ZNF385D: variants seen among roughly 807,000 people sequenced by gnomAD.
ZNF385D encodes zinc finger protein 385D.
In ZNF385D, 15 loss-of-function variants were observed where a neutral mutation model predicts 35.8. That is an observed-to-expected ratio of 0.42 (90% CI 0.28 to 0.64). The LOEUF (loss-of-function observed/expected upper bound fraction) is 0.64. Among genes scored for constraint, ZNF385D ranks in the 30% least tolerant of loss-of-function variants. The pLI is 0.23. For missense variants in ZNF385D, 474 were observed against 494.6 expected (o/e 0.96, Z 0.39); for synonymous variants, 212 against 186.8 (o/e 1.13, Z -1.10).
At chr3:22,253,538 A>G (rs989251777) in intron 2 of ZNF385D, among the ~76,000 whole-genome samples, 2 of 151,966 alleles carry the variant, frequency 1.3e-5, no homozygotes, top group Admixed American at 1.3e-4. Context: ...TGATAAATAA[A>G]AATTTGCCTA....
At chr3:21,602,148 T>C (rs1310815972) in intron 2 of ZNF385D, among the ~76,000 whole-genome samples, 1 of 152,076 alleles carries the variant, frequency 6.6e-6, no homozygotes, top group Non-Finnish European at 1.5e-5. Context: ...TTTATAAAAC[T>C]ATCAGCTCTC....
Position 22,163,462 on chromosome 3 carries a change from A to G in ZNF385D, c.325+5355T>C, listed in dbSNP as rs139216408. 2.3e-3 allele frequency among the ~76,000 whole-genome samples: 347 copies of G among 152,336 alleles called. 3 individuals carry two copies. Among genetic ancestry groups the G allele is most frequent in the Non-Finnish European group, 3.5e-3 (238 of 68,038 alleles). Reference sequence around the variant, plus strand: ...CATTTTCCTTAATAAGTGAGATGACACGTAAATATGTAAAACATATTTTTC... The same window carrying G: ...CATTTTCCTTAATAAGTGAGATGACGCGTAAATATGTAAAACATATTTTTC... On this transcript the variant is annotated intron_variant, in intron 3 of 5. Coordinates refer to the ZNF385D transcript ENST00000494108.
intron 2 of ZNF385D, among the ~76,000 whole-genome samples, chr3:21,598,356 A>C (rs1413004938): frequency 6.6e-6 from 1 of 152,214 alleles, no homozygotes; most frequent in Non-Finnish European, 1.5e-5. Flanking sequence ...TAGCCTAATG[A>C]GTGAAAAATC....
At chr3:22,110,209 C>T (rs1669225319) in intron 3 of ZNF385D, among the ~76,000 whole-genome samples, 1 of 152,030 alleles carries the variant, frequency 6.6e-6, no homozygotes, top group South Asian at 2.1e-4. Flanking sequence ...ACTAGTTCAA[C>T]CATTGTGGAA....
intron 2 of ZNF385D, among the ~76,000 whole-genome samples, chr3:22,315,915 T>C (rs1202769703): frequency 6.6e-6 from 1 of 152,204 alleles, no homozygotes; most frequent in Non-Finnish European, 1.5e-5. Context: ...TGAATTCTGC[T>C]AAAAAGTAGG....
At chr3:21,883,103 A>G (rs1237400781) in intron 3 of ZNF385D, among the ~76,000 whole-genome samples, 1 of 151,882 alleles carries the variant, frequency 6.6e-6, no homozygotes, top group African/African-American at 2.4e-5. Flanking sequence ...AAAACAACAC[A>G]TATCATCTTA....
intron 1 of ZNF385D, among the ~76,000 whole-genome samples, chr3:21,668,292 C>A (rs1575428099): frequency 6.6e-6 from 1 of 152,164 alleles, no homozygotes; most frequent in African/African-American, 2.4e-5. Flanking sequence ...CAGGAGTTTA[C>A]TGGCTTTGCC....
rs565756736 is a variant in ZNF385D, at chr3:22,345,898, G to A, written c.106+26552C>T. 2.0e-5 allele frequency among the ~76,000 whole-genome samples: 3 copies of A among 152,312 alleles called. No individual in the cohort carries two copies. In the East Asian group the frequency reaches 5.8e-4, roughly 29 times the overall value. On this transcript the variant is annotated intron_variant, in intron 2 of 5. Coordinates refer to the ZNF385D transcript ENST00000494108. ...CTCTTGCCCAAGTCAGGGCATCTCTGAGGGGCTATTCCAGTTCTAGTGCTC... is the reference window on the plus strand; with the variant it reads ...CTCTTGCCCAAGTCAGGGCATCTCTAAGGGGCTATTCCAGTTCTAGTGCTC...
chr3:21,853,518 T>C (rs904439478), intron 3 of ZNF385D, among the ~76,000 whole-genome samples: 13 of 151,348 alleles, frequency 8.6e-5, no homozygotes, highest in African/African-American at 3.1e-4. Flanking sequence ...TTTTTTTTTT[T>C]TTTTTAGTTC....
intron 3 of ZNF385D, among the ~76,000 whole-genome samples, chr3:22,114,425 C>T (rs1414332985): frequency 5.9e-5 from 9 of 152,152 alleles, no homozygotes; most frequent in African/African-American, 2.2e-4. Flanking sequence ...TATCTTGGTA[C>T]ATATCATGTT....
chr3:22,153,083 C>G (rs933780707), intron 3 of ZNF385D, among the ~76,000 whole-genome samples: 4 of 152,184 alleles, frequency 2.6e-5, no homozygotes, highest in Admixed American at 2.6e-4. Flanking sequence ...GACCAATGTA[C>G]TACTGCATAC....
intron 3 of ZNF385D, among the ~76,000 whole-genome samples, chr3:21,555,583 C>T (rs901352764): frequency 2.4e-4 from 36 of 152,164 alleles, no homozygotes; most frequent in African/African-American, 6.3e-4. Context: ...ATGGTGTATA[C>T]GTGCCACATT....
chr3:21,877,704 T>G (rs1309930646), intron 3 of ZNF385D: 1 of 152,004 alleles, frequency 6.6e-6, no homozygotes, highest in Non-Finnish European at 1.5e-5. Context: ...AGCTGCTATG[T>G]CAGATGCTGA....
At chr3:21,510,281 C>T (rs1222095674) in intron 4 of ZNF385D, among the ~76,000 whole-genome samples, 3 of 152,116 alleles carry the variant, frequency 2.0e-5, no homozygotes, top group Non-Finnish European at 4.4e-5. Context: ...CATTATTTCA[C>T]CGTGAAGCCT....
At chr3:22,284,043 G>A (rs563013305) in intron 2 of ZNF385D, among the ~76,000 whole-genome samples, 16 of 152,114 alleles carry the variant, frequency 1.1e-4, no homozygotes, top group South Asian at 2.1e-4. Flanking sequence ...ACATAATTAC[G>A]AGACAACAAG....
At chr3:21,833,778 G>C (rs1403860068) in intron 3 of ZNF385D, among the ~76,000 whole-genome samples, 1 of 152,016 alleles carries the variant, frequency 6.6e-6, no homozygotes, top group African/African-American at 2.4e-5. Context: ...AATCTCCCTG[G>C]CTCATTTTAT....
At chr3:21,496,646 T>A (rs1278469219) in intron 4 of ZNF385D, among the ~76,000 whole-genome samples, 1 of 150,112 alleles carries the variant, frequency 6.7e-6, no homozygotes, top group Admixed American at 6.7e-5. Context: ...GATGCCAAAG[T>A]CCTCAACAAA....
intron 2 of ZNF385D, among the ~76,000 whole-genome samples, chr3:22,320,296 G>A (rs1170027462): frequency 6.6e-6 from 1 of 152,034 alleles, no homozygotes; most frequent in Non-Finnish European, 1.5e-5. Flanking sequence ...AATAGCATTA[G>A]TATTCTAGTA....
At chr3:21,932,052 A>C (rs1341552684) in intron 3 of ZNF385D, among the ~76,000 whole-genome samples, 1 of 151,312 alleles carries the variant, frequency 6.6e-6, no homozygotes, top group Non-Finnish European at 1.5e-5. Flanking sequence ...CTGTGGTCCC[A>C]GCTACTCGGG....
Sources: gnomAD v4.1 joint callset for allele counts (sites outside exome capture counted in the v4.1 genomes callset) on GRCh38, gnomAD v4.1.1 for gene constraint, MANE v1.5 for transcripts, NCBI Gene and HGNC (gene_info 2026-07-23, HGNC 2026-07-21) for gene names.